The following CYP4F3 variants were observed in gnomAD, a reference collection of about 807,000 sequenced individuals.
CYP4F3 encodes the protein cytochrome P450 4F3.
Under a neutral mutation model 54.8 loss-of-function variants are expected in CYP4F3, and 50 were observed. The observed-to-expected ratio is 0.91, with a 90% CI of 0.73 to 1.16. CYP4F3 has a LOEUF of 1.16. Among genes scored for constraint, CYP4F3 ranks in the 50% most tolerant of loss-of-function variants. CYP4F3 has a pLI of 0.00. For synonymous variants in CYP4F3, 244 were observed against 262.6 expected, an observed-to-expected ratio of 0.93 and a Z score of 0.69; for missense variants, 715 against 676.2, an observed-to-expected ratio of 1.06 and a Z score of -0.64.
At position 15,647,037 on chromosome 19, in the gene CYP4F3, C is replaced by T. The variant is rs1254286868; in HGVS notation, c.344-15C>T. 1.2e-6 allele frequency: 2 copies of T among 1,613,914 alleles called. No homozygotes were observed. Among genetic ancestry groups the T allele is most frequent in the African/African-American group, 2.7e-5 (2 of 74,918 alleles). ...ACCTGCCTCCATGGCCCCTGATTGT[C>T]CTCATTTATGTCAGCTGCCATTGTA... On this transcript the variant is annotated splice_polypyrimidine_tract_variant and intron_variant, in intron 3 of 12. Coordinates refer to ENST00000221307, the MANE Select transcript of CYP4F3 (RefSeq NM_000896.3).
Position 15,659,230 on chromosome 19 carries a change from G to A in CYP4F3, c.1408G>A (p.Gly470Arg), listed in dbSNP as rs760742428. 49 of 1,607,258 alleles carry A rather than the reference G, an allele frequency of 3.0e-5. No individual in the cohort carries two copies. Among genetic ancestry groups the A allele is most frequent in the Non-Finnish European group, 3.6e-5 (42 of 1,177,614 alleles). The change falls in exon 13 of 13, where the codon GGG (glycine) becomes AGG (arginine). Residue 470 changes from glycine (G) to arginine (R), a missense_variant. Physicochemically the swap from Gly to Arg is moderately radical, Grantham distance 125 (BLOSUM62 -2). Transcript: ENST00000221307. ...PFSAGPRNCI[G>R]QAFAMAEMKV... The stretch of plus-strand genomic sequence containing the variant: ...ACCTCCCTCCCCAAGGAACTGCATC[G>A]GGCAGGCGTTCGCGATGGCGGAGAT...
chr19:15,652,404 G>T (rs1041894898), intron 7 of CYP4F3, among the ~76,000 whole-genome samples, 165 bp from the exon 8 acceptor site: 1 of 152,112 alleles, frequency 6.6e-6, no homozygotes, highest in African/African-American at 2.4e-5. Context: ...TGGGGTTGGG[G>T]CTCTGGCCAT....
chr19:15,658,817 C>T lies in CYP4F3; in HGVS notation c.1397+8C>T, dbSNP rs750297209. The T allele has an allele frequency of 2.1e-5, 34 of 1,613,638 alleles. No individual in the cohort carries two copies. The highest frequency in any genetic ancestry group is 3.3e-5 in the South Asian group (3 of 91,070). On this transcript the variant is annotated splice_region_variant and intron_variant, in intron 12 of 12. Coordinates refer to ENST00000221307, the MANE Select transcript of CYP4F3 (RefSeq NM_000896.3). Reference sequence around the variant, plus strand: ...CTTCTCAGCAGGGCCCAGGTAAGAGCGGCCTGTGTTTGAGGCGGGGACGGG... The same window carrying T: ...CTTCTCAGCAGGGCCCAGGTAAGAGTGGCCTGTGTTTGAGGCGGGGACGGG...
At position 15,641,478 on chromosome 19, in the gene CYP4F3, C is replaced by G. The variant is rs1972460798; in HGVS notation, c.63C>G (p.Leu21=). The G allele has an allele frequency of 1.9e-6, 3 of 1,614,204 alleles. No homozygotes were observed. The highest frequency in any genetic ancestry group is 2.5e-6 in the Non-Finnish European group (3 of 1,180,040). Residue 21 remains leucine (L), a synonymous_variant, in exon 2 of 13, where the codon CTC becomes CTG. Coordinates refer to ENST00000221307, the MANE Select transcript of CYP4F3 (RefSeq NM_000896.3). ...CAATGGCAGCATCCCCGTGGCTGCTCCTGCTGCTGGTTGGGGCCTCCTGGC... is the reference window on the plus strand; with the variant it reads ...CAATGGCAGCATCCCCGTGGCTGCTGCTGCTGCTGGTTGGGGCCTCCTGGC... The part of the protein sequence containing the change: ...LWPMAASPWL[L]LLLVGASWLL...
At position 15,650,145 on chromosome 19, in the gene CYP4F3, A is replaced by G; in HGVS notation, c.880A>G (p.Lys294Glu). The change falls in exon 7 of 13, where the codon AAG becomes GAG. Residue 294 changes from lysine to glutamate, a missense_variant. By Grantham distance (56) the Lys-to-Glu change is moderately conservative. Transcript: ENST00000221307. Reference sequence around the variant, plus strand: ...CTTCCTCCAAGCCAAGGCCAAATCCAAGACTTTGGACTTCATTGATGTACT... The same window carrying G: ...CTTCCTCCAAGCCAAGGCCAAATCCGAGACTTTGGACTTCATTGATGTACT... ...DDFLQAKAKS[K>E]TLDFIDVLLL... 1 of 1,614,174 alleles carries G rather than the reference A, an allele frequency of 6.2e-7. No individual in the cohort carries two copies. The highest frequency in any genetic ancestry group is 8.5e-7 in the Non-Finnish European group (1 of 1,180,026).
Position 15,643,405 on chromosome 19 carries a change from A to ATAT in CYP4F3, c.198+1792_198+1793insTAT, listed in dbSNP as rs1972528949. Among the ~76,000 whole-genome samples, 295 of 99,370 alleles carry ATAT rather than the reference A, an allele frequency of 3.0e-3. 1 individual carries two copies. The East Asian group carries it at 0.031, about 10-fold the overall frequency. The allele number at this position is 99,370 out of a possible 152,430, so 65.2% of individuals were successfully genotyped here. A position where few individuals can be genotyped will look rare whatever the true frequency, so the allele number is the denominator to read the frequency against. On this transcript the variant is annotated intron_variant, in intron 2 of 12. Transcript: ENST00000221307. The stretch of plus-strand genomic sequence containing the variant: ...AGATATGTAGAGATATATATAGGTA[A>ATAT]ATAGATAGATAGATAGATAGATAGA...
intron 2 of CYP4F3, among the ~76,000 whole-genome samples, chr19:15,642,247 C>T (rs567216671): frequency 3.2e-4 from 49 of 152,332 alleles, no homozygotes; most frequent in African/African-American, 1.2e-3. Context: ...TCAATCTGCT[C>T]ATTGCAAATG....
At position 15,647,182 on chromosome 19, in the gene CYP4F3, T is replaced by C. The variant is rs573116811; in HGVS notation, c.398-15T>C. 4.3e-6 allele frequency: 7 copies of C among 1,614,222 alleles called. No individual in the cohort carries two copies. Among genetic ancestry groups the C allele is most frequent in the Non-Finnish European group, 5.1e-6 (6 of 1,180,040 alleles). On this transcript the variant is annotated splice_polypyrimidine_tract_variant and intron_variant, in intron 4 of 12. Coordinates refer to ENST00000221307, the MANE Select transcript of CYP4F3 (RefSeq NM_000896.3). ...GGGAGATGCCCTTGCCCATGGCCCTTGGCTGCCCTGCCAGGGGATGGGCTC... is the reference window on the plus strand; with the variant it reads ...GGGAGATGCCCTTGCCCATGGCCCTCGGCTGCCCTGCCAGGGGATGGGCTC...
At position 15,647,183 on chromosome 19, in the gene CYP4F3, G is replaced by C; in HGVS notation, c.398-14G>C. 4.3e-6 allele frequency: 7 copies of C among 1,614,210 alleles called. No individual in the cohort carries two copies. The highest frequency in any genetic ancestry group is 5.9e-6 in the Non-Finnish European group (7 of 1,180,042). On this transcript the variant is annotated splice_polypyrimidine_tract_variant and intron_variant, in intron 4 of 12. Coordinates refer to ENST00000221307, the MANE Select transcript of CYP4F3 (RefSeq NM_000896.3). ...GGAGATGCCCTTGCCCATGGCCCTT[G>C]GCTGCCCTGCCAGGGGATGGGCTCC...
chr19:15,645,421 A>T (rs549905380), intron 2 of CYP4F3, among the ~76,000 whole-genome samples: 6 of 152,338 alleles, frequency 3.9e-5, no homozygotes, highest in African/African-American at 1.4e-4. Flanking sequence ...GACTATGGGC[A>T]AATTACTTTA....
At chr19:15,648,339 T>C (rs1488524980) in intron 5 of CYP4F3, among the ~76,000 whole-genome samples, 1 of 151,936 alleles carries the variant, frequency 6.6e-6, no homozygotes, top group Non-Finnish European at 1.5e-5. Flanking sequence ...AAATGCCTGC[T>C]GACATCATAT....
intron 9 of CYP4F3, among the ~76,000 whole-genome samples, chr19:15,655,948 A>G (rs552633041): frequency 4.3e-4 from 66 of 152,322 alleles, no homozygotes; most frequent in African/African-American, 1.5e-3. Context: ...TTACTTTCTT[A>G]GCAATTTCAA....
chr19:15,641,558 T>C lies in CYP4F3; in HGVS notation c.143T>C (p.Leu48Pro). 1 of 1,614,136 alleles carries C rather than the reference T, an allele frequency of 6.2e-7. No individual in the cohort carries two copies. The highest frequency in any genetic ancestry group is 8.5e-7 in the Non-Finnish European group (1 of 1,180,020). The part of the protein sequence containing the change: ...TYTFYDNCCR[L>P]RCFPQPPKRN... ...ACCTTCTATGACAACTGCTGCCGCC[T>C]CCGGTGTTTCCCGCAACCCCCGAAA... is the stretch of plus-strand genomic sequence containing the variant. The change falls in exon 2 of 13, where the codon CTC becomes CCC. Residue 48 changes from leucine (L) to proline (P), a missense_variant. By Grantham distance (98) the Leu-to-Pro change is moderately conservative. Transcript: ENST00000221307.
intron 5 of CYP4F3, among the ~76,000 whole-genome samples, chr19:15,647,564 G>T (rs906151523): frequency 1.3e-5 from 2 of 152,178 alleles, no homozygotes; most frequent in Non-Finnish European, 1.5e-5. Flanking sequence ...CGCGTCACCC[G>T]AACCCTGTAA....
At chr19:15,643,768 T>G (rs1972543540) in intron 2 of CYP4F3, 1 of 1,136,412 alleles carries the variant, frequency 8.8e-7, no homozygotes, top group Non-Finnish European at 1.2e-6. Flanking sequence ...CCTTCCTCAG[T>G]TTACCAAATT....
Position 15,660,696 on chromosome 19 carries a change from C to G in CYP4F3, c.*1311C>G, listed in dbSNP as rs1599922617. 6.6e-6 allele frequency: 1 copy of G among 151,452 alleles called. No homozygotes were observed. The highest frequency in any genetic ancestry group is 2.4e-5 in the African/African-American group (1 of 40,958). 9.4% of individuals were successfully genotyped at this position (151,452 alleles called of 1,614,324 possible). ...TGGGGACCACTCCAGAGTGAGTAGA[C>G]AAGACTTTGACAGGGGTGCCTAATT... is the stretch of plus-strand genomic sequence containing the variant. On this transcript the variant is annotated 3_prime_UTR_variant, in exon 13 of 13. Transcript: ENST00000221307.
At chr19:15,652,177 T>C (rs571073018) in intron 7 of CYP4F3, among the ~76,000 whole-genome samples, 95 of 152,178 alleles carry the variant, frequency 6.2e-4, no homozygotes, top group Non-Finnish European at 1.3e-3. Flanking sequence ...GAGATAAGAT[T>C]CATTTACCAC....
intron 5 of CYP4F3, among the ~76,000 whole-genome samples, chr19:15,648,644 A>G (rs1400423716): frequency 6.6e-6 from 1 of 152,158 alleles, no homozygotes; most frequent in Non-Finnish European, 1.5e-5. Flanking sequence ...AAAAAATGCC[A>G]TGTGCCCATT....
chr19:15,642,697 G>A (rs1972500109), intron 2 of CYP4F3, among the ~76,000 whole-genome samples: 1 of 152,212 alleles, frequency 6.6e-6, no homozygotes, highest in South Asian at 2.1e-4. Context: ...GGACTTGGGG[G>A]TGGCCCCAAG....
Sources: gnomAD v4.1 joint callset for allele counts (sites outside exome capture counted in the v4.1 genomes callset) on GRCh38, gnomAD v4.1.1 for gene constraint, MANE v1.5 for transcripts, NCBI Gene and HGNC (gene_info 2026-07-23, HGNC 2026-07-21) for gene names.